Variants in GUCA1C observed in about 807,000 individuals in gnomAD.
The protein encoded by GUCA1C is guanylyl cyclase-activating protein 3.
A neutral mutation model predicts 16.2 loss-of-function variants in GUCA1C; 15 were observed. The ratio of observed to expected loss-of-function variants is 0.93; its 90% CI spans 0.62 to 1.43. GUCA1C has a LOEUF of 1.43. Ranked by LOEUF, GUCA1C falls within the 40% of genes most tolerant of loss-of-function variation. The pLI, the probability that GUCA1C is intolerant of heterozygous loss-of-function variation, is 0.00. For missense variants in GUCA1C, 275 were observed against 244.8 expected, an observed-to-expected ratio of 1.12 and a Z score of -0.82; for synonymous variants, 78 against 85.4, an observed-to-expected ratio of 0.91 and a Z score of 0.48.
intron 1 of GUCA1C, among the ~76,000 whole-genome samples, chr3:108,949,798 AAT>A (rs1185541839): frequency 1.3e-5 from 2 of 152,190 alleles, no homozygotes; most frequent in African/African-American, 2.4e-5. Flanking sequence ...TATGGTATAC[AAT>A]ATGTTATTTT....
intron 1 of GUCA1C, among the ~76,000 whole-genome samples, chr3:108,947,696 TAGG>T (rs1395543005): frequency 6.6e-6 from 1 of 152,158 alleles, no homozygotes; most frequent in African/African-American, 2.4e-5. Flanking sequence ...AGAAAACATG[TAGG>T]AGGACAGATG....
intron 3 of GUCA1C, among the ~76,000 whole-genome samples, chr3:108,910,932 G>A (rs908002503): frequency 2.6e-5 from 4 of 152,062 alleles, no homozygotes; most frequent in African/African-American, 9.7e-5. Context: ...TTACAGGCGT[G>A]AGCCACCGCA....
At chr3:108,939,985 A>C (rs1446191396) in intron 1 of GUCA1C, among the ~76,000 whole-genome samples, 2 of 152,248 alleles carry the variant, frequency 1.3e-5, no homozygotes, top group Admixed American at 1.3e-4. Context: ...CATGAATTAC[A>C]ACAGCTTACA....
rs375929313 is a variant in GUCA1C, at chr3:108,935,745, G to T, written c.205-15160C>A. ...AGAAAGCATAAAAATATGTATGTAC[G>T]AATATATGGTTAATTTTTTTCCTTT... On this transcript the variant is annotated intron_variant, in intron 1 of 3. Coordinates refer to ENST00000261047, the MANE Select transcript of GUCA1C (RefSeq NM_005459.4). Among the ~76,000 whole-genome samples the T allele has an allele frequency of 5.9e-5, 9 of 152,100 alleles. No homozygotes were observed. The South Asian group carries it at 1.9e-3, about 32-fold the overall frequency.
chr3:108,951,849 C>A (rs1180945591), intron 1 of GUCA1C, among the ~76,000 whole-genome samples: 1 of 152,234 alleles, frequency 6.6e-6, no homozygotes, highest in African/African-American at 2.4e-5. Context: ...GACACACACA[C>A]ACCTGTTTGG....
chr3:108,940,290 G>A (rs1946772895), intron 1 of GUCA1C, among the ~76,000 whole-genome samples: 2 of 152,270 alleles, frequency 1.3e-5, no homozygotes, highest in South Asian at 4.1e-4. Flanking sequence ...CACCTTGTAG[G>A]CCAGAAAACC....
At chr3:108,946,697 A>G (rs746982933) in intron 1 of GUCA1C, among the ~76,000 whole-genome samples, 1 of 152,168 alleles carries the variant, frequency 6.6e-6, no homozygotes, top group Non-Finnish European at 1.5e-5. Context: ...ATGACACAAG[A>G]GGACAATCAG....
chr3:108,923,262 T>G (rs2107288394), intron 1 of GUCA1C, among the ~76,000 whole-genome samples: 1 of 152,326 alleles, frequency 6.6e-6, no homozygotes, highest in Middle Eastern at 3.4e-3. Context: ...TCTAGAAGGG[T>G]TTTTCTAGTG....
At chr3:108,908,251 C>T (rs1057127843) in intron 3 of GUCA1C, 42 bp from the exon 4 acceptor site, 1 of 1,235,626 alleles carries the variant, frequency 8.1e-7, no homozygotes, top group Admixed American at 1.8e-5. Flanking sequence ...TTGTCTATAC[C>T]ACTCACTGGC....
At chr3:108,928,214 G>A (rs183348868) in intron 1 of GUCA1C, among the ~76,000 whole-genome samples, 1 of 152,330 alleles carries the variant, frequency 6.6e-6, no homozygotes, top group Non-Finnish European at 1.5e-5. Flanking sequence ...AGTCCATGAT[G>A]TCAGTCTCCA....
chr3:108,948,710 G>C (rs1449464981), intron 1 of GUCA1C, among the ~76,000 whole-genome samples: 2 of 151,940 alleles, frequency 1.3e-5, no homozygotes, highest in Non-Finnish European at 2.9e-5. Flanking sequence ...TTCTATTTCT[G>C]TTTTCTTTCC....
At chr3:108,911,528 G>T (rs969964738) in intron 3 of GUCA1C, among the ~76,000 whole-genome samples, 1 of 152,204 alleles carries the variant, frequency 6.6e-6, no homozygotes, top group Admixed American at 6.5e-5. Context: ...TGCTGGTGAA[G>T]ATTTTGAATG....
Position 108,924,206 on chromosome 3 carries a change from G to C in GUCA1C, c.205-3621C>G, listed in dbSNP as rs570619867. ...ACTAAGTTGAACAGAAGTGGTGAAA[G>C]TGGGCATCTTGTCTTATTCTCAGGG... On this transcript the variant is annotated intron_variant, in intron 1 of 3. Transcript: ENST00000261047. 2.0e-5 allele frequency among the ~76,000 whole-genome samples: 3 copies of C among 152,256 alleles called. No homozygotes were observed. The South Asian group carries it at 6.2e-4, about 32-fold the overall frequency.
chr3:108,926,504 G>C (rs371012284), intron 1 of GUCA1C, among the ~76,000 whole-genome samples: 1 of 152,118 alleles, frequency 6.6e-6, no homozygotes, highest in Non-Finnish European at 1.5e-5. Context: ...TTTTTGAGAC[G>C]GAGTCTCGCT....
At chr3:108,928,151 T>C (rs1240707264) in intron 1 of GUCA1C, among the ~76,000 whole-genome samples, 1 of 152,230 alleles carries the variant, frequency 6.6e-6, no homozygotes, top group Non-Finnish European at 1.5e-5. Flanking sequence ...TCAAAGTGTC[T>C]GTGGATTCTC....
At position 108,920,425 on chromosome 3, in the gene GUCA1C, A is replaced by G; in HGVS notation, c.354+11T>C. 6.3e-7 allele frequency: 1 copy of G among 1,599,988 alleles called. No homozygotes were observed. The highest frequency in any genetic ancestry group is 8.6e-7 in the Non-Finnish European group (1 of 1,167,702). On this transcript the variant is annotated intron_variant, in intron 2 of 3. Coordinates refer to ENST00000261047, the MANE Select transcript of GUCA1C (RefSeq NM_005459.4). ...AGCGGCCTGAAAAGGATACTTTACT[A>G]CTTCACTTACCATGAACATGTCCAG...
At chr3:108,927,259 A>T (rs544843340) in intron 1 of GUCA1C, among the ~76,000 whole-genome samples, 1 of 152,224 alleles carries the variant, frequency 6.6e-6, no homozygotes, top group Non-Finnish European at 1.5e-5. Flanking sequence ...AGCCTCTTGT[A>T]TTTGGATATC....
chr3:108,937,677 CTT>C (rs1341733837), intron 1 of GUCA1C, among the ~76,000 whole-genome samples: 1 of 152,190 alleles, frequency 6.6e-6, no homozygotes. Context: ...AGGCACTGTG[CTT>C]TGCACACATG....
intron 1 of GUCA1C, among the ~76,000 whole-genome samples, chr3:108,946,455 T>C (rs1946844766): frequency 6.6e-6 from 1 of 152,310 alleles, no homozygotes; most frequent in South Asian, 2.1e-4. Context: ...TTTTGTTCTC[T>C]GCATAGCCGT....
Sources: allele counts gnomAD v4.1 joint callset (sites outside exome capture counted in the v4.1 genomes callset), GRCh38; gene constraint gnomAD v4.1.1; transcripts MANE v1.5; gene names NCBI Gene and HGNC (gene_info 2026-07-23, HGNC 2026-07-21).